Variants in AFF1 observed in about 807,000 individuals in gnomAD.
AFF1 encodes AF4/FMR2 family member 1.
In AFF1, 48 loss-of-function variants were observed where a neutral mutation model predicts 121.7. The ratio of observed to expected loss-of-function variants is 0.39; its 90% CI spans 0.31 to 0.50. The LOEUF (loss-of-function observed/expected upper bound fraction) is 0.50, where lower values mean the gene tolerates loss of function less well. AFF1 is among the 20% of genes least tolerant of loss of function. The pLI, the probability that AFF1 is intolerant of heterozygous loss-of-function variation, is 0.76. For missense variants in AFF1, 1,523 were observed against 1,511.7 expected (o/e 1.01, Z -0.12); for synonymous variants, 613 against 563.0 (o/e 1.09, Z -1.26).
chr4:87,116,480 A>G (rs917924305), intron 12 of AFF1, among the ~76,000 whole-genome samples: 3 of 152,230 alleles, frequency 2.0e-5, no homozygotes, highest in Non-Finnish European at 2.9e-5. Context: ...CTGAGAAGGA[A>G]TAAAATTTTT....
intron 12 of AFF1, among the ~76,000 whole-genome samples, chr4:87,119,060 C>G (rs922072056): frequency 1.2e-4 from 18 of 151,940 alleles, no homozygotes; most frequent in Non-Finnish European, 2.1e-4. Flanking sequence ...GGGGTTATAT[C>G]TTATATCCAG....
At chr4:87,018,128 A>G (rs1231187856) in intron 2 of AFF1, among the ~76,000 whole-genome samples, 1 of 152,250 alleles carries the variant, frequency 6.6e-6, no homozygotes, top group Non-Finnish European at 1.5e-5. Flanking sequence ...GAATGTGGCC[A>G]ATTCACACGC....
chr4:86,946,095 G>C (rs545851249), intron 1 of AFF1, among the ~76,000 whole-genome samples: 1 of 151,990 alleles, frequency 6.6e-6, no homozygotes, highest in Admixed American at 6.6e-5. Flanking sequence ...TGAGACCTGG[G>C]GGGTTGCTCA....
chr4:87,069,271 CTTTTTTTTTTTTT>C (rs753186809), intron 4 of AFF1, among the ~76,000 whole-genome samples: 2 of 80,568 alleles, frequency 2.5e-5, no homozygotes, highest in Admixed American at 1.5e-4. Flanking sequence ...TGTGTGGCCT[CTTTTTTTTTTTTT>C]TTTTTTTTTG....
At chr4:87,055,945 A>T (rs1451880877) in intron 4 of AFF1, among the ~76,000 whole-genome samples, 1 of 152,138 alleles carries the variant, frequency 6.6e-6, no homozygotes, top group Non-Finnish European at 1.5e-5. Context: ...CTATTTTTAC[A>T]TTGATTTTGT....
intron 2 of AFF1, among the ~76,000 whole-genome samples, chr4:87,023,811 C>T (rs949955221): frequency 1.3e-5 from 2 of 152,122 alleles, no homozygotes; most frequent in South Asian, 2.1e-4. Context: ...CAAGAGGGTT[C>T]GTTCTATACT....
At chr4:87,097,906 T>A (rs540560661) in intron 8 of AFF1, among the ~76,000 whole-genome samples, 1 of 152,242 alleles carries the variant, frequency 6.6e-6, no homozygotes, top group East Asian at 1.9e-4. Context: ...GCGGGTTGAT[T>A]TGATCTATTG....
intron 2 of AFF1, among the ~76,000 whole-genome samples, chr4:87,033,573 A>T (rs1729272488): frequency 6.6e-6 from 1 of 152,204 alleles, no homozygotes; most frequent in African/African-American, 2.4e-5. Context: ...CACTTAGTAC[A>T]TTTGATCTCT....
At chr4:87,076,212 A>T (rs1722656763) in intron 4 of AFF1, among the ~76,000 whole-genome samples, 1 of 152,140 alleles carries the variant, frequency 6.6e-6, no homozygotes, top group African/African-American at 2.4e-5. Context: ...TTGTTGGGAG[A>T]TAACTGTAGG....
chr4:87,124,597 C>T (rs1172224745), intron 12 of AFF1, among the ~76,000 whole-genome samples: 2 of 152,074 alleles, frequency 1.3e-5, no homozygotes, highest in East Asian at 3.9e-4. Flanking sequence ...AAACAATAAA[C>T]TAGTGGGTTT....
At chr4:86,975,444 T>C (rs1030753804) in intron 2 of AFF1, among the ~76,000 whole-genome samples, 3 of 152,068 alleles carry the variant, frequency 2.0e-5, no homozygotes, top group Non-Finnish European at 4.4e-5. Context: ...TGAGATGAGG[T>C]TTCACAACAT....
At chr4:87,078,157 A>G (rs959588427) in intron 4 of AFF1, among the ~76,000 whole-genome samples, 10 of 152,228 alleles carry the variant, frequency 6.6e-5, no homozygotes, top group African/African-American at 1.7e-4. Flanking sequence ...CTGTTTGCCA[A>G]TCTACGTGTG....
intron 16 of AFF1, among the ~76,000 whole-genome samples, chr4:87,130,242 G>C (rs571673959): frequency 1.1e-4 from 17 of 152,192 alleles, no homozygotes; most frequent in African/African-American, 3.6e-4. Flanking sequence ...CAAAGTGCTG[G>C]GATTACAGGC....
chr4:86,955,815 T>C (rs917499223), intron 2 of AFF1, among the ~76,000 whole-genome samples: 14 of 152,176 alleles, frequency 9.2e-5, no homozygotes, highest in Non-Finnish European at 1.9e-4. Context: ...TTTGAGGGAT[T>C]GGATTTTGTT....
At chr4:87,021,643 C>G (rs779279160) in intron 2 of AFF1, among the ~76,000 whole-genome samples, 20 of 152,264 alleles carry the variant, frequency 1.3e-4, no homozygotes, top group Middle Eastern at 3.4e-3. Flanking sequence ...TAAAACAAAA[C>G]TAATTGTAAG....
At chr4:87,133,085 T>C (rs1728981999) in intron 19 of AFF1, among the ~76,000 whole-genome samples, 1 of 152,244 alleles carries the variant, frequency 6.6e-6, no homozygotes, top group Non-Finnish European at 1.5e-5. Context: ...TCTCTCTGTA[T>C]GTATGGACAT....
At chr4:86,999,238 A>C (rs80332612) in intron 2 of AFF1, among the ~76,000 whole-genome samples, 3 of 152,232 alleles carry the variant, frequency 2.0e-5, no homozygotes, top group Non-Finnish European at 4.4e-5. Flanking sequence ...GTGTTAGCCA[A>C]GTCCCTCCTG....
At chr4:86,994,690 A>G (rs1724980400) in intron 2 of AFF1, among the ~76,000 whole-genome samples, 1 of 152,190 alleles carries the variant, frequency 6.6e-6, no homozygotes, top group African/African-American at 2.4e-5. Flanking sequence ...AGTGAAGGAT[A>G]AGCTATCAGA....
rs1728316875 is a variant in AFF1 at position 87,127,040 on chromosome 4, T to C, written c.2826T>C (p.Asp942=). 1 of 1,613,978 alleles carries C rather than the reference T, an allele frequency of 6.2e-7. No homozygotes were observed. Among genetic ancestry groups the C allele is most frequent in the Non-Finnish European group, 8.5e-7 (1 of 1,179,902 alleles). ...SSSEHKGSSG[D]TANPFPVPSL... is the part of the protein sequence containing the mutation. ...TTTTTTTGAAGGGTTCTTCCGGAGA[T>C]ACTGCAAATCCTTTTCCAGTGCCTT... Residue 942 remains aspartate (D), a synonymous_variant, in exon 15 of 21, where the codon GAT becomes GAC. Transcript: ENST00000395146.
Sources: gnomAD v4.1 joint callset for allele counts (sites outside exome capture counted in the v4.1 genomes callset) on GRCh38, gnomAD v4.1.1 for gene constraint, MANE v1.5 for transcripts, NCBI Gene and HGNC (gene_info 2026-07-23, HGNC 2026-07-21) for gene names.